The following SLC9A9 variants were observed in gnomAD, a reference collection of about 807,000 sequenced individuals.
SLC9A9 encodes solute carrier family 9 member A9.
SLC9A9 carries 62 observed loss-of-function variants against 77.8 expected under a neutral mutation model. That is an observed-to-expected ratio of 0.80 (90% CI 0.65 to 0.98). The LOEUF (loss-of-function observed/expected upper bound fraction) is 0.98, where lower values mean the gene tolerates loss of function less well. SLC9A9 is among the 50% of genes least tolerant of loss of function. The pLI is 0.00. For synonymous variants in SLC9A9, 320 were observed against 283.5 expected, an observed-to-expected ratio of 1.13 and a Z score of -1.29; for missense variants, 775 against 774.9, an observed-to-expected ratio of 1.00 and a Z score of 0.00.
rs768237193 is a variant in SLC9A9, at chr3:143,574,166, A to G, written c.922T>C (p.Phe308Leu). The G allele has an allele frequency of 4.3e-6, 7 of 1,613,446 alleles. No homozygotes were observed. The highest frequency in any genetic ancestry group is 1.1e-5 in the South Asian group (1 of 91,078). ...AACAGGCCGGTTTCCAGCATCGGGA[A>G]CTCACACAGCTTGGTAAATTTGGTC... ...LLTKFTKLCE[F>L]PMLETGLFFL... The change falls in exon 8 of 16, where the codon TTC becomes CTC. Residue 308 changes from phenylalanine (F) to leucine (L), a missense_variant. Phe to Leu is a conservative substitution (Grantham distance 22). Transcript: ENST00000316549.
At chr3:143,682,201 A>T (rs1373520865) in intron 5 of SLC9A9, among the ~76,000 whole-genome samples, 1 of 152,182 alleles carries the variant, frequency 6.6e-6, no homozygotes, top group Non-Finnish European at 1.5e-5. Context: ...AATAAAGGGC[A>T]AGAAAGCCAA....
chr3:143,408,185 C>T (rs1391634484), intron 12 of SLC9A9, among the ~76,000 whole-genome samples: 3 of 152,154 alleles, frequency 2.0e-5, no homozygotes, highest in Admixed American at 6.5e-5. Context: ...TTTATAGTTA[C>T]ATTGGGCATT....
chr3:143,592,199 G>C (rs1044180481), intron 6 of SLC9A9, among the ~76,000 whole-genome samples: 3 of 152,232 alleles, frequency 2.0e-5, no homozygotes, highest in African/African-American at 7.2e-5. Flanking sequence ...ACAAGAGGAA[G>C]AATTGAATAA....
At chr3:143,724,974 G>C (rs1208739035) in intron 4 of SLC9A9, among the ~76,000 whole-genome samples, 1 of 152,132 alleles carries the variant, frequency 6.6e-6, no homozygotes, top group Non-Finnish European at 1.5e-5. Context: ...TTACACAAGA[G>C]ACTAGGCTTC....
At chr3:143,604,422 A>G (rs139169124) in intron 6 of SLC9A9, among the ~76,000 whole-genome samples, 2 of 152,330 alleles carry the variant, frequency 1.3e-5, no homozygotes, top group Non-Finnish European at 2.9e-5. Flanking sequence ...GCATAAAACT[A>G]GGTGACAGAC....
chr3:143,358,214 T>G (rs1308105182), intron 14 of SLC9A9, among the ~76,000 whole-genome samples: 4 of 152,166 alleles, frequency 2.6e-5, no homozygotes, highest in Non-Finnish European at 5.9e-5. Context: ...CTCTTAAGAA[T>G]GGGAAATGCA....
rs74655214 is a variant in SLC9A9 at position 143,342,284 on chromosome 3, G to A, written c.1604+21200C>T. The A allele has an allele frequency of 0.062, 9,378 of 152,294 alleles. 284 individuals carry two copies. Among genetic ancestry groups the A allele is most frequent in the Middle Eastern group, 0.092 (27 of 294 alleles). The allele number at this position is 152,294 out of a possible 1,614,324, so 9.4% of individuals were successfully genotyped here. A position where few individuals can be genotyped will look rare whatever the true frequency, so the allele number is the denominator to read the frequency against. On this transcript the variant is annotated intron_variant, in intron 14 of 15. Coordinates refer to ENST00000316549, the MANE Select transcript of SLC9A9 (RefSeq NM_173653.4). ...CTACAACCTCTGCTTCCTGGATTCA[G>A]GTGATTCTCCTACCTCAGCCTTCTA...
chr3:143,693,690 C>T (rs1173745683), intron 4 of SLC9A9, among the ~76,000 whole-genome samples: 1 of 152,040 alleles, frequency 6.6e-6, no homozygotes, highest in African/African-American at 2.4e-5. Flanking sequence ...TTGTCACTGG[C>T]GGTGTCTGAA....
rs3068538 is a variant in SLC9A9 at position 143,413,780 on chromosome 3, CTGTG to C, written c.1470-31670_1470-31667del. Among the ~76,000 whole-genome samples, 533 of 149,872 alleles carry C rather than the reference CTGTG, an allele frequency of 3.6e-3. 2 individuals carry two copies. The highest frequency in any genetic ancestry group is 9.9e-3 in the African/African-American group (406 of 40,880). On this transcript the variant is annotated intron_variant, in intron 12 of 15. Coordinates refer to ENST00000316549, the MANE Select transcript of SLC9A9 (RefSeq NM_173653.4). ...AAAGTACAGAGATCAGTATTATTAA[CTGTG>C]TGTGTGTGTGTGTGTGTGTGTGTAC...
At chr3:143,667,639 A>ATTTGT in intron 5 of SLC9A9, among the ~76,000 whole-genome samples, 1 of 152,354 alleles carries the variant, frequency 6.6e-6, no homozygotes, top group East Asian at 1.9e-4. Context: ...TTACAAGAAA[A>ATTTGT]AAATCAAACA....
chr3:143,392,947 A>G (rs990253734), intron 12 of SLC9A9, among the ~76,000 whole-genome samples: 1 of 152,232 alleles, frequency 6.6e-6, no homozygotes, highest in Admixed American at 6.5e-5. Context: ...TTCATAAAGC[A>G]AGTCCTTGAG....
At chr3:143,624,668 C>T (rs576990136) in intron 6 of SLC9A9, among the ~76,000 whole-genome samples, 9 of 152,068 alleles carry the variant, frequency 5.9e-5, no homozygotes, top group South Asian at 2.1e-4. Context: ...CATACTGAAT[C>T]GGCAAAAACT....
chr3:143,429,285 A>C (rs2034463887), intron 12 of SLC9A9, among the ~76,000 whole-genome samples: 1 of 152,206 alleles, frequency 6.6e-6, no homozygotes, highest in South Asian at 2.1e-4. Flanking sequence ...GACATTTAGC[A>C]GAGGAATTTC....
chr3:143,301,527 A>AG (rs1301571921), intron 14 of SLC9A9, among the ~76,000 whole-genome samples: 2 of 152,216 alleles, frequency 1.3e-5, no homozygotes, highest in African/African-American at 4.8e-5. Context: ...AGCCTTCAGT[A>AG]GGCAAGAGTA....
In SLC9A9 at chr3:143,505,151, G is replaced by T. The variant is rs150269438; in HGVS notation, c.1090-9703C>A. Among the ~76,000 whole-genome samples the T allele has an allele frequency of 3.4e-3, 513 of 151,860 alleles. 7 individuals carry two copies. The highest frequency in any genetic ancestry group is 0.012 in the African/African-American group (481 of 41,404). On this transcript the variant is annotated intron_variant, in intron 9 of 15. Coordinates refer to ENST00000316549, the MANE Select transcript of SLC9A9 (RefSeq NM_173653.4). ...GCAACAGTGTGTGGCTTGAGGCGGG[G>T]GATACTTATCCTCTCCCAAATATCT...
At chr3:143,749,543 T>C (rs1257746601) in intron 4 of SLC9A9, among the ~76,000 whole-genome samples, 1 of 152,218 alleles carries the variant, frequency 6.6e-6, no homozygotes, top group Non-Finnish European at 1.5e-5. Context: ...TGAATGCTTT[T>C]TAAATACAAA....
At chr3:143,717,307 A>G (rs1934380649) in intron 4 of SLC9A9, among the ~76,000 whole-genome samples, 1 of 152,228 alleles carries the variant, frequency 6.6e-6, no homozygotes, top group African/African-American at 2.4e-5. Flanking sequence ...GTTTTGTGTC[A>G]AGGTTGTAAA....
intron 9 of SLC9A9, among the ~76,000 whole-genome samples, chr3:143,551,243 A>C (rs1220050175): frequency 2.0e-5 from 3 of 152,186 alleles, no homozygotes; most frequent in African/African-American, 7.2e-5. Context: ...CCTCAAAAGG[A>C]GCTATCCTGC....
chr3:143,360,412 G>T (rs1284058785), intron 14 of SLC9A9, among the ~76,000 whole-genome samples: 1 of 152,052 alleles, frequency 6.6e-6, no homozygotes, highest in African/African-American at 2.4e-5. Flanking sequence ...CATCAGTTTT[G>T]GCATCATAGG....
Sources: allele counts gnomAD v4.1 joint callset (sites outside exome capture counted in the v4.1 genomes callset), GRCh38; gene constraint gnomAD v4.1.1; transcripts MANE v1.5; gene names NCBI Gene and HGNC (gene_info 2026-07-23, HGNC 2026-07-21).